Variants in CPSF2 observed in about 807,000 individuals in gnomAD.
CPSF2 encodes the protein cleavage and polyadenylation specific factor 2, also known as cleavage and polyadenylation specificity factor subunit 2.
Under a neutral mutation model 84.2 loss-of-function variants are expected in CPSF2, and 51 were observed. The observed-to-expected ratio is 0.61, with a 90% CI of 0.48 to 0.77. The LOEUF (loss-of-function observed/expected upper bound fraction) is 0.77, where lower values mean the gene tolerates loss of function less well. Ranked by LOEUF, CPSF2 falls within the 30% of genes least tolerant of loss-of-function variation. The pLI is 0.00. For synonymous variants in CPSF2, 286 were observed against 311.9 expected (o/e 0.92, Z 0.87); for missense variants, 641 against 929.4 (o/e 0.69, Z 4.03).
intron 2 of CPSF2, among the ~76,000 whole-genome samples, chr14:92,126,562 G>A (rs1472083662): frequency 6.6e-6 from 1 of 152,190 alleles, no homozygotes; most frequent in Non-Finnish European, 1.5e-5. Context: ...TGTAATTCCA[G>A]CATTTGGGGA....
At chr14:92,140,160 G>C (rs888936905) in intron 7 of CPSF2, among the ~76,000 whole-genome samples, 1 of 151,732 alleles carries the variant, frequency 6.6e-6, no homozygotes, top group African/African-American at 2.4e-5. Context: ...CACCATGTTG[G>C]CCAGGATGGT....
rs1294751206 is a variant in CPSF2 at position 92,166,339 on chromosome 14, A to G, written c.*4595A>G. On this transcript the variant is annotated 3_prime_UTR_variant, in exon 16 of 16. Transcript: ENST00000298875. ...TTAGGTCTTTCATTTATTTTGAATT[A>G]TTATCATTATTATTATTTTCTTTTT... 1 of 151,338 alleles carries G rather than the reference A, an allele frequency of 6.6e-6. No individual in the cohort carries two copies. Among genetic ancestry groups the G allele is most frequent in the Non-Finnish European group, 1.5e-5 (1 of 67,850 alleles). The allele number at this position is 151,338 out of a possible 1,614,324, so 9.4% of individuals were successfully genotyped here. A position where few individuals can be genotyped will look rare whatever the true frequency, so the allele number is the denominator to read the frequency against.
rs57520213 is a variant in CPSF2, at chr14:92,170,077, G to A, written c.*8333G>A. The A allele has an allele frequency of 0.16, 24,840 of 152,090 alleles. 2,277 individuals are homozygous for A. The highest frequency in any genetic ancestry group is 0.4 in the East Asian group (2,077 of 5,160). The allele number at this position is 152,090 out of a possible 1,614,324, so 9.4% of individuals were successfully genotyped here. On this transcript the variant is annotated 3_prime_UTR_variant, in exon 16 of 16. Coordinates refer to ENST00000298875, the MANE Select transcript of CPSF2 (RefSeq NM_017437.3). ...TCCCTTGAGATTGAGGCTTCAGTGA[G>A]CTAATGATCGCGCCACTGCACTCCA...
At chr14:92,155,716 C>T (rs1211854781) in intron 11 of CPSF2, among the ~76,000 whole-genome samples, 4 of 150,940 alleles carry the variant, frequency 2.7e-5, no homozygotes. Flanking sequence ...ATCACTTGAG[C>T]TCAGGAGTTT....
At chr14:92,124,297 CTCTG>C (rs2068818036) in intron 1 of CPSF2, among the ~76,000 whole-genome samples, 1 of 151,938 alleles carries the variant, frequency 6.6e-6, no homozygotes, top group Non-Finnish European at 1.5e-5. Flanking sequence ...TTAGGATGGT[CTCTG>C]ACAGCTATAT....
Position 92,164,414 on chromosome 14 carries a change from CT to C in CPSF2, c.*2673del, listed in dbSNP as rs1220581518. On this transcript the variant is annotated 3_prime_UTR_variant, in exon 16 of 16. Transcript: ENST00000298875. ...ATTACTAAAATTTCTCAAATGAAGA[CT>C]TTGTTTTAGCTTCAATTACTTCAGA... 1 of 152,132 alleles carries C rather than the reference CT, an allele frequency of 6.6e-6. No individual in the cohort carries two copies. Among genetic ancestry groups the C allele is most frequent in the Non-Finnish European group, 1.5e-5 (1 of 68,032 alleles). 9.4% of individuals were successfully genotyped at this position (152,132 alleles called of 1,614,324 possible).
At chr14:92,150,522 C>T (rs541223110) in intron 9 of CPSF2, among the ~76,000 whole-genome samples, 6 of 151,544 alleles carry the variant, frequency 4.0e-5, no homozygotes, top group African/African-American at 1.5e-4. Flanking sequence ...TGAACTTCTG[C>T]GTTCATGTGA....
intron 9 of CPSF2, among the ~76,000 whole-genome samples, chr14:92,150,444 T>A (rs2069200144): frequency 6.6e-6 from 1 of 151,818 alleles, no homozygotes; most frequent in Non-Finnish European, 1.5e-5. Context: ...TGTGTTTTTT[T>A]TTTTTGAGTT....
chr14:92,141,402 A>G (rs891650917), intron 7 of CPSF2, among the ~76,000 whole-genome samples: 1 of 151,300 alleles, frequency 6.6e-6, no homozygotes, highest in Non-Finnish European at 1.5e-5. Flanking sequence ...CACAATCACG[A>G]CTCTCTGCAG....
At position 92,143,177 on chromosome 14, in the gene CPSF2, C is replaced by G. The variant is rs1336891363; in HGVS notation, c.1023C>G (p.Leu341=). 1.2e-6 allele frequency: 2 copies of G among 1,613,978 alleles called. No individual in the cohort carries two copies. Among genetic ancestry groups the G allele is most frequent in the African/African-American group, 1.3e-5 (1 of 74,892 alleles). Residue 341 remains leucine, a synonymous_variant, in exon 9 of 16, where the codon CTC becomes CTG. Transcript: ENST00000298875. Reference sequence around the variant, plus strand: ...TGGAATGCGGATTTTCAAGGGATCTCTTTATTCAGTGGTGTCAGGACCCTA... The same window carrying G: ...TGGAATGCGGATTTTCAAGGGATCTGTTTATTCAGTGGTGTCAGGACCCTA... The part of the protein sequence containing the change: ...PDLECGFSRD[L]FIQWCQDPKN...
intron 8 of CPSF2, among the ~76,000 whole-genome samples, chr14:92,142,785 T>C (rs1214513308): frequency 2.6e-5 from 4 of 152,192 alleles, no homozygotes; most frequent in African/African-American, 9.6e-5. Context: ...GTGATTTATA[T>C]GTGAAATATA....
chr14:92,158,151 G>A (rs184479198), intron 13 of CPSF2, among the ~76,000 whole-genome samples: 6 of 152,306 alleles, frequency 3.9e-5, no homozygotes, highest in East Asian at 3.9e-4. Context: ...CCTACAGGAA[G>A]TGATAACTAA....
intron 3 of CPSF2, among the ~76,000 whole-genome samples, chr14:92,132,524 C>T (rs2068945383): frequency 6.6e-6 from 1 of 151,816 alleles, no homozygotes; most frequent in Non-Finnish European, 1.5e-5. Flanking sequence ...GTAATCCCAG[C>T]ACTTTGGGAG....
rs950901642 is a variant in CPSF2 at position 92,162,421 on chromosome 14, G to A, written c.*677G>A. 1 of 152,514 alleles carries A rather than the reference G, an allele frequency of 6.6e-6. No homozygotes were observed. Among genetic ancestry groups the A allele is most frequent in the African/African-American group, 2.4e-5 (1 of 41,410 alleles). The allele number at this position is 152,514 out of a possible 1,614,324, so 9.4% of individuals were successfully genotyped here. On this transcript the variant is annotated 3_prime_UTR_variant, in exon 16 of 16. Transcript: ENST00000298875. ...TGTAAATTATAACACCATCATTTGA[G>A]TATACATAATTCAAAAGAACTACTT...
At chr14:92,133,419 T>TA (rs953146049) in intron 3 of CPSF2, among the ~76,000 whole-genome samples, 1 of 147,980 alleles carries the variant, frequency 6.8e-6, no homozygotes, top group African/African-American at 2.5e-5. Flanking sequence ...AAACTCCATC[T>TA]AAAAAAAGAA....
intron 13 of CPSF2, among the ~76,000 whole-genome samples, chr14:92,158,753 T>C (rs2069326000): frequency 6.6e-6 from 1 of 152,188 alleles, no homozygotes; most frequent in South Asian, 2.1e-4. Context: ...TTAATTGCCA[T>C]GTGATTCCAT....
At position 92,142,188 on chromosome 14, in the gene CPSF2, G is replaced by A. The variant is rs777845000; in HGVS notation, c.686G>A (p.Gly229Asp). The A allele has an allele frequency of 1.9e-6, 3 of 1,611,080 alleles. No homozygotes were observed. Among genetic ancestry groups the A allele is most frequent in the Non-Finnish European group, 2.5e-6 (3 of 1,178,120 alleles). ...GCAAATGTCCTGGAAACACTTCGAG[G>A]TGATGGAAATGTGTTAATAGCAGTG... The part of the protein sequence containing the change: ...LLTNVLETLR[G>D]DGNVLIAVDT... The change falls in exon 8 of 16, where the codon GGT becomes GAT. Residue 229 changes from glycine to aspartate, a missense_variant. Around this residue, in one of 2 missense-constraint regions of CPSF2, gnomAD observed 211 missense variants for 375.7 expected, o/e 0.56. Transcript: ENST00000298875.
rs894468496 is a variant in CPSF2, at chr14:92,130,958, T to C, written c.-27T>C. 6.3e-7 allele frequency: 1 copy of C among 1,599,912 alleles called. No individual in the cohort carries two copies. The highest frequency in any genetic ancestry group is 8.5e-7 in the Non-Finnish European group (1 of 1,172,988). On this transcript the variant is annotated 5_prime_UTR_variant, in exon 3 of 16. Coordinates refer to ENST00000298875, the MANE Select transcript of CPSF2 (RefSeq NM_017437.3). Reference sequence around the variant, plus strand: ...TTTCATTTCATTTGAAAGACTCTTCTAGCTTGCTGTTTCTGGACCAAAAAA... The same window carrying C: ...TTTCATTTCATTTGAAAGACTCTTCCAGCTTGCTGTTTCTGGACCAAAAAA...
chr14:92,148,797 GTA>G (rs138353183), intron 9 of CPSF2, among the ~76,000 whole-genome samples: 2 of 147,156 alleles, frequency 1.4e-5, no homozygotes, highest in African/African-American at 2.5e-5. Flanking sequence ...AGAAAGAAAT[GTA>G]TATATATATA....
Sources: gnomAD v4.1 joint callset for allele counts (sites outside exome capture counted in the v4.1 genomes callset) on GRCh38, gnomAD v4.1.1 for gene constraint, gnomAD v4.1.1 regional missense constraint, MANE v1.5 for transcripts, NCBI Gene and HGNC (gene_info 2026-07-23, HGNC 2026-07-21) for gene names.